METTL8: variants seen among roughly 807,000 people sequenced by gnomAD.
METTL8 encodes the protein tRNA N(3)-cytidine methyltransferase METTL8, mitochondrial.
In METTL8, 32 loss-of-function variants were observed where a neutral mutation model predicts 48.7. The ratio of observed to expected loss-of-function variants is 0.66; its 90% CI spans 0.50 to 0.88. The LOEUF (loss-of-function observed/expected upper bound fraction) is 0.88. Among genes scored for constraint, METTL8 ranks in the 40% least tolerant of loss-of-function variants. The probability of loss-of-function intolerance (pLI) is 0.00; values close to 1 mark genes in which losing one functional copy is unlikely to be tolerated. For synonymous variants in METTL8, 136 were observed against 157.1 expected (o/e 0.87, Z 1.01); for missense variants, 464 against 474.4 (o/e 0.98, Z 0.20).
intron 1 of METTL8, among the ~76,000 whole-genome samples, chr2:171,422,728 T>C (rs539822316): frequency 1.3e-5 from 2 of 152,208 alleles, no homozygotes; most frequent in Non-Finnish European, 2.9e-5. Flanking sequence ...CAACTGTATT[T>C]ATAATATGGA....
At chr2:171,351,203 CATTTATTA>C in intron 3 of METTL8, among the ~76,000 whole-genome samples, 1 of 152,244 alleles carries the variant, frequency 6.6e-6, no homozygotes, top group African/African-American at 2.4e-5. Context: ...TTCCCAGCAC[CATTTATTA>C]AATAGGGAAT....
At chr2:171,337,103 G>C (rs1234556013) in intron 5 of METTL8, among the ~76,000 whole-genome samples, 1 of 151,964 alleles carries the variant, frequency 6.6e-6, no homozygotes, top group Non-Finnish European at 1.5e-5. Context: ...CTGACCTCAA[G>C]CGATCCACCC....
At chr2:171,430,500 C>T (rs529258868) in intron 1 of METTL8, among the ~76,000 whole-genome samples, 6 of 151,284 alleles carry the variant, frequency 4.0e-5, no homozygotes, top group African/African-American at 9.7e-5. Flanking sequence ...CAAAACTGCA[C>T]GTTCTACACA....
chr2:171,391,735 C>A (rs77784485), intron 2 of METTL8, among the ~76,000 whole-genome samples: 2,652 of 152,184 alleles, frequency 0.017, 80 homozygotes, highest in African/African-American at 0.06. Context: ...GAGGGCCCCA[C>A]CTAGGAAAGA....
intron 2 of METTL8, among the ~76,000 whole-genome samples, chr2:171,372,714 A>C (rs956384394): frequency 6.6e-6 from 1 of 151,916 alleles, no homozygotes; most frequent in African/African-American, 2.4e-5. Flanking sequence ...ATTCCTACCT[A>C]TGAGTGAGAA....
chr2:171,374,337 AT>A lies in METTL8; in HGVS notation c.144-13825del, dbSNP rs754640642. On this transcript the variant is annotated intron_variant, in intron 2 of 9. Transcript: ENST00000375258. ...CAGGTACAATAATTTCTTAACAAAAATGAGGTCATACTGGAGAAAATTCTCT... is the reference window on the plus strand; with the variant it reads ...CAGGTACAATAATTTCTTAACAAAAAGAGGTCATACTGGAGAAAATTCTCT... 7.2e-5 allele frequency among the ~76,000 whole-genome samples: 11 copies of A among 152,210 alleles called. 1 individual carries two copies. In the East Asian group the frequency reaches 9.6e-4, roughly 13 times the overall value.
chr2:171,401,641 A>C (rs1689649851), intron 1 of METTL8, among the ~76,000 whole-genome samples: 1 of 152,196 alleles, frequency 6.6e-6, no homozygotes, highest in Non-Finnish European at 1.5e-5. Context: ...CTCATCTCAA[A>C]GCCATCTCAA....
intron 1 of METTL8, among the ~76,000 whole-genome samples, chr2:171,403,191 A>G (rs985015212): frequency 3.3e-5 from 5 of 152,138 alleles, no homozygotes; most frequent in African/African-American, 1.2e-4. Context: ...AGGGGGAAAA[A>G]TAACTCTGCA....
intron 2 of METTL8, among the ~76,000 whole-genome samples, chr2:171,366,755 A>G (rs182605705): frequency 1.2e-3 from 186 of 152,182 alleles, no homozygotes; most frequent in African/African-American, 4.3e-3. Flanking sequence ...TCAGGTGGGC[A>G]TGGTAGCTCA....
At chr2:171,344,657 G>A (rs936487187) in intron 3 of METTL8, among the ~76,000 whole-genome samples, 2 of 152,176 alleles carry the variant, frequency 1.3e-5, no homozygotes, top group Non-Finnish European at 2.9e-5. Context: ...AACATTAAAT[G>A]CTCTATGAGA....
At chr2:171,413,780 C>T (rs948903597) in intron 1 of METTL8, among the ~76,000 whole-genome samples, 1 of 152,070 alleles carries the variant, frequency 6.6e-6, no homozygotes, top group Non-Finnish European at 1.5e-5. Flanking sequence ...AAGCCCATCA[C>T]ACAGAAAACA....
chr2:171,423,245 T>A (rs1692056238), intron 1 of METTL8, among the ~76,000 whole-genome samples: 1 of 152,156 alleles, frequency 6.6e-6, no homozygotes, highest in African/African-American at 2.4e-5. Flanking sequence ...AATTACCCAG[T>A]CTCAGGTATG....
chr2:171,385,019 C>A (rs77530991), intron 2 of METTL8, among the ~76,000 whole-genome samples: 8,207 of 151,662 alleles, frequency 0.054, 240 homozygotes, highest in African/African-American at 0.072. Context: ...AGTAAATAAT[C>A]CTTAAAACCA....
chr2:171,380,972 G>C (rs1479296824), intron 2 of METTL8, among the ~76,000 whole-genome samples: 1 of 152,142 alleles, frequency 6.6e-6, no homozygotes, highest in Admixed American at 6.6e-5. Flanking sequence ...TAAAGCTGGA[G>C]GCATCATGCT....
chr2:171,369,475 C>T lies in METTL8; in HGVS notation c.144-8962G>A, dbSNP rs554038269. ...TAGAGCAATGCCACTCTTTGCATTA[C>T]ACTTTTGGGAATATACATTTACATT... is the stretch of plus-strand genomic sequence containing the variant. On this transcript the variant is annotated intron_variant, in intron 2 of 9. Coordinates refer to ENST00000375258, the MANE Select transcript of METTL8 (RefSeq NM_001321154.2). Among the ~76,000 whole-genome samples the T allele has an allele frequency of 3.3e-5, 5 of 152,310 alleles. No individual in the cohort carries two copies. In the East Asian group the frequency reaches 7.7e-4, roughly 23 times the overall value.
intron 1 of METTL8, among the ~76,000 whole-genome samples, chr2:171,428,515 C>A (rs895835428): frequency 3.9e-5 from 6 of 152,020 alleles, no homozygotes; most frequent in African/African-American, 9.7e-5. Flanking sequence ...AAGTACTTAG[C>A]TGTTGATAAT....
At chr2:171,405,376 T>C (rs1349986055) in intron 1 of METTL8, among the ~76,000 whole-genome samples, 2 of 152,138 alleles carry the variant, frequency 1.3e-5, no homozygotes, top group Non-Finnish European at 2.9e-5. Flanking sequence ...TGGGACTCAA[T>C]ACTAAAGAAT....
At chr2:171,429,666 TTTATC>T (rs1468050655) in intron 1 of METTL8, among the ~76,000 whole-genome samples, 1 of 152,202 alleles carries the variant, frequency 6.6e-6, no homozygotes, top group Non-Finnish European at 1.5e-5. Flanking sequence ...TATACCTAAT[TTTATC>T]TTTGCATATA....
At chr2:171,371,426 G>A (rs544969353) in intron 2 of METTL8, among the ~76,000 whole-genome samples, 7 of 152,018 alleles carry the variant, frequency 4.6e-5, no homozygotes, top group Non-Finnish European at 7.4e-5. Flanking sequence ...GCACCATCTC[G>A]GTTCACTGCA....
Sources: allele counts gnomAD v4.1 joint callset (sites outside exome capture counted in the v4.1 genomes callset), GRCh38; gene constraint gnomAD v4.1.1; transcripts MANE v1.5; gene names NCBI Gene and HGNC (gene_info 2026-07-23, HGNC 2026-07-21).